Variants in L3MBTL4 observed in about 807,000 individuals in gnomAD.
L3MBTL4 encodes the protein lethal(3)malignant brain tumor-like protein 4.
In L3MBTL4, 70 loss-of-function variants were observed where a neutral mutation model predicts 84.5. That is an observed-to-expected ratio of 0.83 (90% CI 0.68 to 1.01). L3MBTL4 has a LOEUF of 1.01. Ranked by LOEUF, L3MBTL4 falls within the 50% of genes least tolerant of loss-of-function variation. The probability of loss-of-function intolerance (pLI) is 0.00; values close to 1 mark genes in which losing one functional copy is unlikely to be tolerated. For missense variants in L3MBTL4, 715 were observed against 754.8 expected, an observed-to-expected ratio of 0.95 and a Z score of 0.62; for synonymous variants, 274 against 259.8, an observed-to-expected ratio of 1.05 and a Z score of -0.52.
At chr18:6,368,650 CT>C (rs2054031464) in intron 1 of L3MBTL4, among the ~76,000 whole-genome samples, 1 of 152,174 alleles carries the variant, frequency 6.6e-6, no homozygotes, top group South Asian at 2.1e-4. Flanking sequence ...CAAGTGGTCC[CT>C]TGACTTTAGG....
Position 6,209,445 on chromosome 18 carries a change from C to CAAAAAAAA in L3MBTL4, c.981+3696_981+3703dup, listed in dbSNP as rs60613997. 6.4e-3 allele frequency among the ~76,000 whole-genome samples: 725 copies of CAAAAAAAA among 113,812 alleles called. 5 individuals are homozygous for CAAAAAAAA. Among genetic ancestry groups the CAAAAAAAA allele is most frequent in the African/African-American group, 0.021 (690 of 32,526 alleles). 74.7% of individuals were successfully genotyped at this position (113,812 alleles called of 152,430 possible). A position where few individuals can be genotyped will look rare whatever the true frequency, so the allele number is the denominator to read the frequency against. On this transcript the variant is annotated intron_variant, in intron 12 of 18. Coordinates refer to ENST00000317931, the MANE Select transcript of L3MBTL4 (RefSeq NM_001330559.2). Reference sequence around the variant, plus strand: ...AAGCCCATAAGGCCCACTAAACTGGCAAAAAAAAAAAAAAAGCCAAAACAA... The same window carrying CAAAAAAAA: ...AAGCCCATAAGGCCCACTAAACTGGCAAAAAAAAAAAAAAAAAAAAAAAGCCAAAACAA...
intron 16 of L3MBTL4, among the ~76,000 whole-genome samples, chr18:6,050,563 C>A (rs148576122): frequency 6.6e-6 from 1 of 152,290 alleles, no homozygotes; most frequent in African/African-American, 2.4e-5. Context: ...TAGCTTAGGG[C>A]AACTCAACAA....
chr18:6,228,314 A>T (rs1347111460), intron 10 of L3MBTL4, among the ~76,000 whole-genome samples: 1 of 152,202 alleles, frequency 6.6e-6, no homozygotes, highest in Non-Finnish European at 1.5e-5. Context: ...CTAGAATAAA[A>T]GAAAATATTG....
intron 14 of L3MBTL4, among the ~76,000 whole-genome samples, chr18:6,128,291 C>T (rs936817615): frequency 6.6e-6 from 1 of 151,932 alleles, no homozygotes; most frequent in Non-Finnish European, 1.5e-5. Flanking sequence ...TTCTGAGCAT[C>T]AGTTGAGGAA....
At chr18:6,203,919 G>C (rs140118523) in intron 12 of L3MBTL4, among the ~76,000 whole-genome samples, 48 of 152,302 alleles carry the variant, frequency 3.2e-4, no homozygotes, top group African/African-American at 1.1e-3. Flanking sequence ...AGCCTCAGCT[G>C]CCACATGGCT....
In L3MBTL4 at chr18:6,311,674, A is replaced by AT. The variant is rs749179265; in HGVS notation, c.-31-19dup. ...GTGGTTTTCTGTAAAACAGGGTTAC[A>AT]TAAGAAGTTGGGGATGGGGGTGTGA... On this transcript the variant is annotated intron_variant, in intron 2 of 18. Transcript: ENST00000317931. 6.7e-6 allele frequency: 10 copies of AT among 1,500,850 alleles called. No individual in the cohort carries two copies. Among genetic ancestry groups the AT allele is most frequent in the Middle Eastern group, 1.7e-4 (1 of 5,854 alleles). The allele number at this position is 1,500,850 out of a possible 1,614,324, so 93.0% of individuals were successfully genotyped here.
chr18:6,016,628 T>C (rs1047556626), intron 16 of L3MBTL4, among the ~76,000 whole-genome samples: 4 of 152,222 alleles, frequency 2.6e-5, no homozygotes, highest in African/African-American at 9.6e-5. Context: ...CTTTATCCCC[T>C]TCCTGCTCCC....
chr18:6,073,735 T>C (rs952887710), intron 16 of L3MBTL4, among the ~76,000 whole-genome samples: 1 of 152,226 alleles, frequency 6.6e-6, no homozygotes, highest in African/African-American at 2.4e-5. Flanking sequence ...TTGTAATTCT[T>C]TTTTCACGAA....
At chr18:6,038,642 A>C (rs2056261367) in intron 16 of L3MBTL4, among the ~76,000 whole-genome samples, 1 of 152,106 alleles carries the variant, frequency 6.6e-6, no homozygotes, top group African/African-American at 2.4e-5. Context: ...TTCTGTTAAG[A>C]AGTATAGTGC....
chr18:6,140,696 T>A (rs1339817654), intron 13 of L3MBTL4, among the ~76,000 whole-genome samples: 1 of 152,126 alleles, frequency 6.6e-6, no homozygotes, highest in East Asian at 1.9e-4. Context: ...AGCTATGAGG[T>A]ATTTTAATCA....
At chr18:6,118,622 A>C (rs934746656) in intron 14 of L3MBTL4, among the ~76,000 whole-genome samples, 3 of 152,222 alleles carry the variant, frequency 2.0e-5, no homozygotes. Context: ...TTGAAGACTT[A>C]AGTAATTATT....
chr18:6,080,814 C>G, intron 16 of L3MBTL4, 67 bp downstream of exon 16: 1 of 1,193,888 alleles, frequency 8.4e-7, no homozygotes, highest in Non-Finnish European at 1.2e-6. Context: ...ACCAAACAGT[C>G]AAACAAATAA....
intron 4 of L3MBTL4, among the ~76,000 whole-genome samples, chr18:6,277,225 C>A (rs1273324729): frequency 6.6e-6 from 1 of 151,828 alleles, no homozygotes; most frequent in Admixed American, 6.6e-5. Flanking sequence ...CAGCATGGCA[C>A]ATGTATACAT....
At chr18:6,096,668 A>G (rs920269216) in intron 14 of L3MBTL4, among the ~76,000 whole-genome samples, 3 of 152,334 alleles carry the variant, frequency 2.0e-5, no homozygotes, top group African/African-American at 7.2e-5. Flanking sequence ...CACATTGAAA[A>G]AAAGAAGACT....
chr18:6,182,461 T>G (rs2044519496), intron 12 of L3MBTL4, among the ~76,000 whole-genome samples: 1 of 152,234 alleles, frequency 6.6e-6, no homozygotes, highest in African/African-American at 2.4e-5. Context: ...ATGCATAGTT[T>G]GCAAATATTT....
intron 16 of L3MBTL4, among the ~76,000 whole-genome samples, chr18:6,043,524 A>T (rs1001781336): frequency 1.3e-5 from 2 of 152,140 alleles, no homozygotes; most frequent in African/African-American, 4.8e-5. Context: ...TTTCATCTCA[A>T]TTCCTCAATT....
intron 16 of L3MBTL4, among the ~76,000 whole-genome samples, chr18:5,990,691 G>C (rs1456562522): frequency 6.6e-6 from 1 of 152,050 alleles, no homozygotes; most frequent in African/African-American, 2.4e-5. Flanking sequence ...AGCAAATATA[G>C]ACATCAGCTC....
chr18:5,972,169 G>A (rs2052670751), intron 16 of L3MBTL4, among the ~76,000 whole-genome samples: 1 of 152,120 alleles, frequency 6.6e-6, no homozygotes, highest in Non-Finnish European at 1.5e-5. Flanking sequence ...GCTTGTGTCT[G>A]TTTACAGGCA....
intron 12 of L3MBTL4, among the ~76,000 whole-genome samples, chr18:6,192,299 C>T (rs541761735): frequency 1.1e-3 from 171 of 151,956 alleles, no homozygotes; most frequent in African/African-American, 4.0e-3. Flanking sequence ...AATTGTCTTA[C>T]GGAAAGGGAA....
Sources: allele counts gnomAD v4.1 joint callset (sites outside exome capture counted in the v4.1 genomes callset), GRCh38; gene constraint gnomAD v4.1.1; transcripts MANE v1.5; gene names NCBI Gene and HGNC (gene_info 2026-07-23, HGNC 2026-07-21).